ANKRD30BL: variants seen among roughly 807,000 people sequenced by gnomAD.
ANKRD30BL encodes putative ankyrin repeat domain-containing protein 30B-like.
ANKRD30BL carries 20 observed loss-of-function variants against 18.4 expected under a neutral mutation model. That is an observed-to-expected ratio of 1.09 (90% CI 0.77 to 1.58). ANKRD30BL has a LOEUF of 1.58. ANKRD30BL is among the 40% of genes most tolerant of loss of function. The pLI is 0.00. For synonymous variants in ANKRD30BL, 72 were observed against 100.9 expected (o/e 0.71, Z 1.72); for missense variants, 224 against 268.6 (o/e 0.83, Z 1.16).
At chr2:132,157,606 G>C (rs1443173053) in intron 1 of ANKRD30BL, among the ~76,000 whole-genome samples, 183 bp from the exon 2 acceptor site, 3 of 152,158 alleles carry the variant, frequency 2.0e-5, no homozygotes, top group Non-Finnish European at 4.4e-5. Context: ...TAATGAAAGA[G>C]TGCCTGTTTG....
At chr2:132,181,606 A>C (rs528644165) in intron 1 of ANKRD30BL, among the ~76,000 whole-genome samples, 7 of 152,368 alleles carry the variant, frequency 4.6e-5, no homozygotes, top group Admixed American at 4.6e-4. Flanking sequence ...ATGTCTTTAC[A>C]TATGTAGCCT....
intron 1 of ANKRD30BL, among the ~76,000 whole-genome samples, chr2:132,193,023 C>T (rs1678891522): frequency 2.0e-5 from 3 of 152,282 alleles, no homozygotes; most frequent in Admixed American, 2.0e-4. Context: ...TATGAGTGGA[C>T]ATGCAGGAGC....
intron 1 of ANKRD30BL, among the ~76,000 whole-genome samples, chr2:132,181,556 C>T (rs1418592506): frequency 6.6e-6 from 1 of 152,026 alleles, no homozygotes; most frequent in Non-Finnish European, 1.5e-5. Context: ...AAAGCAGACA[C>T]ACACACACAC....
chr2:132,193,021 G>A (rs1331481039), intron 1 of ANKRD30BL, among the ~76,000 whole-genome samples: 2 of 152,164 alleles, frequency 1.3e-5, no homozygotes, highest in East Asian at 3.9e-4. Context: ...CATATGAGTG[G>A]ACATGCAGGA....
At chr2:132,198,308 CTTTCTTTCTTTCTTTCTT>C (rs1679012410) in intron 1 of ANKRD30BL, among the ~76,000 whole-genome samples, 1 of 12,606 alleles carries the variant, frequency 7.9e-5, no homozygotes, top group Non-Finnish European at 2.1e-4. Flanking sequence ...TTCTTTCTTT[CTTTCTTTCTTTCTTTCTT>C]TTTTTTTTTT....
intron 1 of ANKRD30BL, among the ~76,000 whole-genome samples, chr2:132,197,455 T>C (rs1483908891): frequency 6.6e-6 from 1 of 152,172 alleles, no homozygotes; most frequent in Non-Finnish European, 1.5e-5. Flanking sequence ...ATTTTTCATT[T>C]TCTAGATTAT....
At chr2:132,196,759 A>G (rs1430842507) in intron 1 of ANKRD30BL, among the ~76,000 whole-genome samples, 1 of 151,988 alleles carries the variant, frequency 6.6e-6, no homozygotes, top group Non-Finnish European at 1.5e-5. Context: ...GTGAACCGAG[A>G]TCATGCCACT....
rs1259972386 is a variant in ANKRD30BL at position 132,150,942 on chromosome 2, T to A, written c.649A>T (p.Ile217Leu). The stretch of plus-strand genomic sequence containing the variant: ...TTACTATTTTGAGAATTTTTAGATA[T>A]CTTTTGTTTATATTCCAAAAGTTGT... ...HQQLLEYKQKISKNSQNSNPE... is the reference protein window; with the variant it reads ...HQQLLEYKQKLSKNSQNSNPE... The change falls in exon 5 of 6, where the codon ATA becomes TTA. Residue 217 changes from isoleucine (I) to leucine (L), a missense_variant. Coordinates refer to ENST00000409867, the MANE Select transcript of ANKRD30BL (RefSeq NM_001358416.1). The A allele has an allele frequency of 1.8e-5, 11 of 627,278 alleles. No individual in the cohort carries two copies. In the Admixed American group the frequency reaches 1.9e-4, roughly 11 times the overall value. 38.9% of individuals were successfully genotyped at this position (627,278 alleles called of 1,614,324 possible). A position where few individuals can be genotyped will look rare whatever the true frequency, so the allele number is the denominator to read the frequency against.
In ANKRD30BL at chr2:132,207,654, G is replaced by A. The variant is rs559746549; in HGVS notation, n.441+49875C>T. ...GATAGAAATAGACTTTCAGAAGGAA[G>A]GGCCTTCCATAACAAGGAATGCCAT... is the stretch of plus-strand genomic sequence containing the variant. On this transcript the variant is annotated intron_variant and non_coding_transcript_variant, in intron 1 of 4. Coordinates refer to the ANKRD30BL transcript ENST00000470729. 1.8e-4 allele frequency among the ~76,000 whole-genome samples: 28 copies of A among 152,212 alleles called. No individual in the cohort carries two copies. The East Asian group carries it at 5.4e-3, about 29-fold the overall frequency.
At chr2:132,217,031 T>A (rs896357747) in intron 1 of ANKRD30BL, among the ~76,000 whole-genome samples, 4 of 152,048 alleles carry the variant, frequency 2.6e-5, no homozygotes, top group African/African-American at 9.7e-5. Flanking sequence ...ACACTCTTTT[T>A]GACGAATCTG....
intron 1 of ANKRD30BL, among the ~76,000 whole-genome samples, chr2:132,232,263 T>A (rs1680043103): frequency 6.6e-6 from 1 of 152,116 alleles, no homozygotes; most frequent in Non-Finnish European, 1.5e-5. Flanking sequence ...CTGGAAACTC[T>A]AAAATGCAGA....
intron 1 of ANKRD30BL, among the ~76,000 whole-genome samples, chr2:132,221,793 C>CCAG (rs1463728485): frequency 5.1e-5 from 6 of 117,954 alleles, no homozygotes; most frequent in Non-Finnish European, 1.0e-4. Flanking sequence ...CTCTGCCCGG[C>CCAG]CAGCCGCCCC....
intron 1 of ANKRD30BL, among the ~76,000 whole-genome samples, chr2:132,252,542 G>A (rs1680680866): frequency 6.9e-6 from 1 of 145,378 alleles, no homozygotes; most frequent in Admixed American, 6.8e-5. Flanking sequence ...CGGGTGGGGG[G>A]CAGGCAGGGG....
At chr2:132,247,642 T>C (rs1205769063) in intron 1 of ANKRD30BL, among the ~76,000 whole-genome samples, 1 of 151,942 alleles carries the variant, frequency 6.6e-6, no homozygotes, top group Non-Finnish European at 1.5e-5. Context: ...CTGCAGATAC[T>C]ACAAAAAGAC....
At chr2:132,163,644 A>G (rs1308929783), upstream of ANKRD30BL, among the ~76,000 whole-genome samples, 1 of 152,210 alleles carries the variant, frequency 6.6e-6, no homozygotes, top group Non-Finnish European at 1.5e-5. Flanking sequence ...CCCTCTGATT[A>G]TGTGATAGGG....
intron 1 of ANKRD30BL, among the ~76,000 whole-genome samples, chr2:132,232,710 T>C (rs1232448760): frequency 2.0e-5 from 3 of 152,200 alleles, no homozygotes; most frequent in Non-Finnish European, 2.9e-5. Flanking sequence ...TACTTCTGAT[T>C]GGTGTACCTG....
chr2:132,220,645 C>T (rs1293252804), intron 1 of ANKRD30BL, among the ~76,000 whole-genome samples: 24 of 152,132 alleles, frequency 1.6e-4, no homozygotes, highest in South Asian at 4.1e-4. Flanking sequence ...GGATTGCAGA[C>T]GGAGTCTCGT....
chr2:132,172,999 C>A (rs1014515094), intron 1 of ANKRD30BL, among the ~76,000 whole-genome samples: 4 of 151,918 alleles, frequency 2.6e-5, no homozygotes, highest in African/African-American at 9.7e-5. Context: ...AGCCACCACA[C>A]CTGGTCAACG....
chr2:132,154,427 CA>C (rs1204584356), intron 4 of ANKRD30BL, among the ~76,000 whole-genome samples: 1 of 152,130 alleles, frequency 6.6e-6, no homozygotes, highest in East Asian at 1.9e-4. Context: ...CCAAAAACAT[CA>C]GATTAAAAAT....
Sources: allele counts gnomAD v4.1 joint callset (sites outside exome capture counted in the v4.1 genomes callset), GRCh38; gene constraint gnomAD v4.1.1; transcripts MANE v1.5; gene names NCBI Gene and HGNC (gene_info 2026-07-23, HGNC 2026-07-21).